SUZ12: variants seen among roughly 807,000 people sequenced by gnomAD.
SUZ12 encodes polycomb protein SUZ12.
A neutral mutation model predicts 87.3 loss-of-function variants in SUZ12; 17 were observed. The ratio of observed to expected loss-of-function variants is 0.19; its 90% CI spans 0.13 to 0.29. The LOEUF (loss-of-function observed/expected upper bound fraction) is 0.29, where lower values mean the gene tolerates loss of function less well. Among genes scored for constraint, SUZ12 ranks in the 10% least tolerant of loss-of-function variants. The pLI is 1.00. For missense variants in SUZ12, 526 were observed against 912.2 expected, an observed-to-expected ratio of 0.58 and a Z score of 5.45; for synonymous variants, 253 against 312.4, an observed-to-expected ratio of 0.81 and a Z score of 2.01.
chr17:31,947,271 A>G (rs1462813136), intron 3 of SUZ12, among the ~76,000 whole-genome samples: 1 of 152,218 alleles, frequency 6.6e-6, no homozygotes, highest in African/African-American at 2.4e-5. Context: ...AGTAGGAGAA[A>G]TAAAATATTT....
chr17:32,000,482 G>A lies in SUZ12; in HGVS notation c.*1479G>A, dbSNP rs1350065149. ...TGATTTTTGTGTTTAAAAAAAAATA[G>A]GAAAGAGGGAAACTGCAGCTTTCAT... On this transcript the variant is annotated 3_prime_UTR_variant, in exon 16 of 16. Transcript: ENST00000322652. 2 of 232,368 alleles carry A rather than the reference G, an allele frequency of 8.6e-6. No individual in the cohort carries two copies. Among genetic ancestry groups the A allele is most frequent in the African/African-American group, 2.2e-5 (1 of 45,288 alleles). The allele number at this position is 232,368 out of a possible 1,614,324, so 14.4% of individuals were successfully genotyped here.
At chr17:31,978,925 G>T (rs1030213120) in intron 8 of SUZ12, among the ~76,000 whole-genome samples, 2 of 151,702 alleles carry the variant, frequency 1.3e-5, no homozygotes, top group African/African-American at 4.8e-5. Context: ...GGCCAACATG[G>T]TGAAACCCCA....
In SUZ12 at chr17:31,999,838, T is replaced by G; in HGVS notation, c.*835T>G. On this transcript the variant is annotated 3_prime_UTR_variant, in exon 16 of 16. Coordinates refer to ENST00000322652, the MANE Select transcript of SUZ12 (RefSeq NM_015355.4). ...AATTAAGCTGTTCATATCTTTAAAT[T>G]AGGATTGCAAACCAAGGAAAGAACG... 1 of 232,658 alleles carries G rather than the reference T, an allele frequency of 4.3e-6. No individual in the cohort carries two copies. Among genetic ancestry groups the G allele is most frequent in the East Asian group, 6.1e-5 (1 of 16,420 alleles). The allele number at this position is 232,658 out of a possible 1,614,324, so 14.4% of individuals were successfully genotyped here.
chr17:31,956,339 G>A (rs564136814), intron 4 of SUZ12, among the ~76,000 whole-genome samples: 106 of 151,922 alleles, frequency 7.0e-4, no homozygotes, highest in Middle Eastern at 6.9e-3. Context: ...GACTACAGGC[G>A]TGTGCCACCA....
In SUZ12 at chr17:31,993,229, T is replaced by C. The variant is rs369161926; in HGVS notation, c.1202-13T>C. Reference sequence around the variant, plus strand: ...GCAATGTTTTTATTGAATATAAAAGTGTATGTTTTCAGCTGTTAAAGAATC... The same window carrying C: ...GCAATGTTTTTATTGAATATAAAAGCGTATGTTTTCAGCTGTTAAAGAATC... On this transcript the variant is annotated splice_polypyrimidine_tract_variant and intron_variant, in intron 10 of 15. Transcript: ENST00000322652. The C allele has an allele frequency of 6.6e-7, 1 of 1,524,336 alleles. No individual in the cohort carries two copies. Among genetic ancestry groups the C allele is most frequent in the African/African-American group, 1.4e-5 (1 of 70,666 alleles). 94.4% of individuals were successfully genotyped at this position (1,524,336 alleles called of 1,614,324 possible).
intron 4 of SUZ12, among the ~76,000 whole-genome samples, chr17:31,957,663 A>G (rs967197343): frequency 2.7e-5 from 4 of 150,590 alleles, no homozygotes; most frequent in Non-Finnish European, 5.9e-5. Context: ...TGCTCGCCTC[A>G]GCCTCCCAAA....
chr17:31,947,047 T>C (rs1906680550), intron 3 of SUZ12, among the ~76,000 whole-genome samples: 1 of 152,202 alleles, frequency 6.6e-6, no homozygotes, highest in South Asian at 2.1e-4. Context: ...CAAATATATT[T>C]TATAGAATAT....
chr17:31,941,611 G>A (rs1185939760), intron 3 of SUZ12, among the ~76,000 whole-genome samples: 2 of 150,588 alleles, frequency 1.3e-5, no homozygotes, highest in South Asian at 2.1e-4. Flanking sequence ...GTGCAGTGGC[G>A]CAACCTCGGC....
At chr17:31,998,241 A>G (rs927020445) in intron 15 of SUZ12, among the ~76,000 whole-genome samples, 1 of 151,950 alleles carries the variant, frequency 6.6e-6, no homozygotes, top group Non-Finnish European at 1.5e-5. Context: ...CACCACACCC[A>G]GCTGATTTTT....
intron 15 of SUZ12, among the ~76,000 whole-genome samples, chr17:31,997,666 C>CAAAAAAAAAAAAA (rs892389046): frequency 5.7e-5 from 4 of 70,422 alleles, no homozygotes; most frequent in African/African-American, 1.9e-4. Context: ...ACCCTATCTC[C>CAAAAAAAAAAAAA]AAAAAAAAAA....
chr17:31,975,530 C>T lies in SUZ12; in HGVS notation c.640C>T (p.Pro214Ser), dbSNP rs759275683. 6.2e-7 allele frequency: 1 copy of T among 1,613,800 alleles called. No individual in the cohort carries two copies. The highest frequency in any genetic ancestry group is 8.5e-7 in the Non-Finnish European group (1 of 1,179,798). ...RQVPTGKKQVPLNPDLNQTKP... is the reference protein window; with the variant it reads ...RQVPTGKKQVSLNPDLNQTKP... ...AGTTCCCACAGGTAAAAAGCAGGTG[C>T]CTTTGAATCCTGACCTCAATCAAAC... Residue 214 changes from proline to serine, a missense_variant, in exon 7 of 16, where the codon CCT becomes TCT. Transcript: ENST00000322652.
At chr17:31,978,275 C>T (rs1374432705) in intron 8 of SUZ12, among the ~76,000 whole-genome samples, 3 of 152,144 alleles carry the variant, frequency 2.0e-5, no homozygotes, top group Admixed American at 6.5e-5. Flanking sequence ...GTGGCATGAT[C>T]TCAGCTCACT....
chr17:31,977,533 C>T (rs1908831129), intron 8 of SUZ12, among the ~76,000 whole-genome samples: 1 of 152,038 alleles, frequency 6.6e-6, no homozygotes, highest in Non-Finnish European at 1.5e-5. Flanking sequence ...CTGCCTTGGC[C>T]TCCCAAAGTG....
rs951899352 is a variant in SUZ12 at position 31,999,547 on chromosome 17, C to T, written c.*544C>T. On this transcript the variant is annotated 3_prime_UTR_variant, in exon 16 of 16. Transcript: ENST00000322652. ...TTGTTTTTGAAATCATTTGTCAATTCGGAATGAAAAATTATAATGTAATTT... is the reference window on the plus strand; with the variant it reads ...TTGTTTTTGAAATCATTTGTCAATTTGGAATGAAAAATTATAATGTAATTT... 10 of 230,588 alleles carry T rather than the reference C, an allele frequency of 4.3e-5. No homozygotes were observed. Among genetic ancestry groups the T allele is most frequent in the Non-Finnish European group, 7.7e-5 (9 of 116,570 alleles). The allele number at this position is 230,588 out of a possible 1,614,324, so 14.3% of individuals were successfully genotyped here.
At chr17:31,960,231 G>A (rs1036000704) in intron 4 of SUZ12, among the ~76,000 whole-genome samples, 3 of 151,030 alleles carry the variant, frequency 2.0e-5, no homozygotes, top group African/African-American at 4.9e-5. Context: ...TTTTTTTTGA[G>A]ACGGGGTCTC....
chr17:31,977,050 GTAT>G (rs1466485895), intron 8 of SUZ12, among the ~76,000 whole-genome samples: 1 of 152,204 alleles, frequency 6.6e-6, no homozygotes, highest in Admixed American at 6.5e-5. Context: ...GGAGGAGGTA[GTAT>G]TTGAGAAGAG....
chr17:31,995,202 C>T (rs977504294), intron 13 of SUZ12, among the ~76,000 whole-genome samples: 5 of 152,008 alleles, frequency 3.3e-5, no homozygotes, highest in Non-Finnish European at 5.9e-5. Flanking sequence ...CCAGTGTTAA[C>T]GGCTTTTCTG....
chr17:31,987,516 G>T (rs1213062563), intron 9 of SUZ12, among the ~76,000 whole-genome samples: 6 of 152,116 alleles, frequency 3.9e-5, no homozygotes, highest in Non-Finnish European at 7.3e-5. Context: ...CAGTGAAACT[G>T]AGAGAAGTCA....
At chr17:31,946,814 A>G (rs1454748845) in intron 3 of SUZ12, among the ~76,000 whole-genome samples, 1 of 152,172 alleles carries the variant, frequency 6.6e-6, no homozygotes, top group Non-Finnish European at 1.5e-5. Context: ...CAATCCATTC[A>G]TTCTTTAATT....
Sources: gnomAD v4.1 joint callset for allele counts (sites outside exome capture counted in the v4.1 genomes callset) on GRCh38, gnomAD v4.1.1 for gene constraint, MANE v1.5 for transcripts, NCBI Gene and HGNC (gene_info 2026-07-23, HGNC 2026-07-21) for gene names.